MYO3A: variants seen among roughly 807,000 people sequenced by gnomAD.
MYO3A encodes the protein myosin-IIIa.
Under a neutral mutation model 192.7 loss-of-function variants are expected in MYO3A, and 180 were observed. That is an observed-to-expected ratio of 0.93 (90% CI 0.83 to 1.06). The LOEUF is 1.06. Among genes scored for constraint, MYO3A ranks in the 50% least tolerant of loss-of-function variants. MYO3A has a pLI of 0.00. For missense variants in MYO3A, 1,896 were observed against 1,905.0 expected (o/e 1.00, Z 0.09); for synonymous variants, 628 against 645.3 (o/e 0.97, Z 0.41).
intron 10 of MYO3A, among the ~76,000 whole-genome samples, chr10:26,064,908 CAAAT>C (rs1834717281): frequency 6.6e-6 from 1 of 152,074 alleles, no homozygotes; most frequent in Non-Finnish European, 1.5e-5. Flanking sequence ...AGTGAAATAT[CAAAT>C]AAGCATTTAG....
rs755304444 is a variant in MYO3A, at chr10:26,203,006, A to AT, written c.4634dup (p.Leu1545PhefsTer11). ...ATTTGGAAGATTTCTATTATAAGGA[A>AT]TTTTTGCCCAGTCGTTCTGGACCAA... is the stretch of plus-strand genomic sequence containing the variant. On this transcript the variant is annotated frameshift_variant, in exon 34 of 35. Transcript: ENST00000642920. LOFTEE classifies it high-confidence loss of function. The AT allele has an allele frequency of 1.9e-5, 30 of 1,613,802 alleles. 1 individual carries two copies. In the African/African-American group the frequency reaches 3.6e-4, roughly 19 times the overall value.
rs751960621 is a variant in MYO3A at position 26,193,209 on chromosome 10, CT to C, written c.4444del (p.Cys1482ValfsTer9). ...VSSQQCLSGV[C>X]KGEEPKILRP... ...TTATGATCACCTTTCTTATAGGTGT[CT>C]GTAAAGGAGAGGAGCCAAAAATATT... On this transcript the variant is annotated frameshift_variant, in exon 32 of 35. Coordinates refer to ENST00000642920, the MANE Select transcript of MYO3A (RefSeq NM_017433.5). LOFTEE classifies it high-confidence loss of function. The C allele has an allele frequency of 1.2e-6, 2 of 1,608,948 alleles. No homozygotes were observed. Among genetic ancestry groups the C allele is most frequent in the Admixed American group, 3.3e-5 (2 of 59,978 alleles).
intron 10 of MYO3A, among the ~76,000 whole-genome samples, chr10:26,030,386 G>A (rs1195671451): frequency 2.6e-5 from 4 of 152,074 alleles, no homozygotes; most frequent in Non-Finnish European, 5.9e-5. Context: ...GAAGAGGTGG[G>A]AGTTGAACTT....
chr10:25,937,823 A>G (rs1670146379), intron 2 of MYO3A, among the ~76,000 whole-genome samples: 1 of 152,242 alleles, frequency 6.6e-6, no homozygotes, highest in Non-Finnish European at 1.5e-5. Flanking sequence ...GAAGGGAATA[A>G]AACATTGGTT....
chr10:25,963,983 A>G (rs150571582), intron 4 of MYO3A, among the ~76,000 whole-genome samples: 7 of 152,296 alleles, frequency 4.6e-5, no homozygotes, highest in African/African-American at 1.2e-4. Flanking sequence ...TGAGGTGACC[A>G]GTGATGTCTT....
intron 10 of MYO3A, among the ~76,000 whole-genome samples, chr10:26,033,062 C>A (rs944280197): frequency 1.3e-5 from 2 of 151,912 alleles, no homozygotes; most frequent in African/African-American, 4.8e-5. Flanking sequence ...TCTTTGTTCC[C>A]TTATTTTATT....
At chr10:26,199,462 A>AG (rs1322779002) in intron 32 of MYO3A, among the ~76,000 whole-genome samples, 1 of 152,028 alleles carries the variant, frequency 6.6e-6, no homozygotes, top group African/African-American at 2.4e-5. Context: ...CTAAGGTGGG[A>AG]GGATCACTAA....
intron 4 of MYO3A, among the ~76,000 whole-genome samples, chr10:25,956,335 G>GT (rs542587893): frequency 0.076 from 10,790 of 141,900 alleles, 515 homozygotes; most frequent in African/African-American, 0.13. Flanking sequence ...TTCTATTATG[G>GT]TTTTTTTTTT....
At chr10:25,949,394 T>A (rs1241735152) in intron 2 of MYO3A, among the ~76,000 whole-genome samples, 2 of 152,136 alleles carry the variant, frequency 1.3e-5, no homozygotes, top group African/African-American at 4.8e-5. Flanking sequence ...GGTTGACAAC[T>A]CCTATTTCAG....
chr10:26,176,172 T>G (rs1842320009), intron 30 of MYO3A, among the ~76,000 whole-genome samples: 1 of 151,988 alleles, frequency 6.6e-6, no homozygotes, highest in Admixed American at 6.6e-5. Flanking sequence ...CAGGCACCTG[T>G]AGTCCCAGCT....
At chr10:25,955,634 G>A (rs1837490702) in intron 4 of MYO3A, among the ~76,000 whole-genome samples, 1 of 152,138 alleles carries the variant, frequency 6.6e-6, no homozygotes, top group African/African-American at 2.4e-5. Context: ...GCACTAAGGT[G>A]ACTGTCAGTC....
chr10:26,174,254 A>G lies in MYO3A; in HGVS notation c.3990A>G (p.Thr1330=), dbSNP rs1842200376. The G allele has an allele frequency of 1.9e-6, 3 of 1,614,048 alleles. No individual in the cohort carries two copies. The highest frequency in any genetic ancestry group is 2.5e-6 in the Non-Finnish European group (3 of 1,179,948). ...GCAGAGGCCGTCTGAGGCATGAGAC[A>G]GTCAAAGAGAGGCAAGTTGAACCAG... is the stretch of plus-strand genomic sequence containing the variant. ...EEGRGRLRHE[T]VKERQVEPVT... is the part of the protein sequence containing the mutation. Residue 1330 remains threonine (T), a synonymous_variant, in exon 30 of 35, where the codon ACA becomes ACG. Transcript: ENST00000642920.
intron 14 of MYO3A, among the ~76,000 whole-genome samples, chr10:26,082,245 T>C (rs1836004289): frequency 1.3e-5 from 2 of 152,216 alleles, no homozygotes; most frequent in Non-Finnish European, 2.9e-5. Flanking sequence ...TTTATTTGTG[T>C]CTTCCTCAAC....
intron 6 of MYO3A, among the ~76,000 whole-genome samples, chr10:26,000,928 G>T (rs1283920579): frequency 6.6e-6 from 1 of 152,162 alleles, no homozygotes; most frequent in East Asian, 1.9e-4. Context: ...TGGCAGGAGG[G>T]CAAAGGCAAA....
chr10:26,050,702 GAGAAGTCACATTTACAGCGTAA>G (rs1289412608), intron 10 of MYO3A, among the ~76,000 whole-genome samples: 2 of 152,166 alleles, frequency 1.3e-5, no homozygotes, highest in Non-Finnish European at 2.9e-5. Context: ...ACAGAGCAGA[GAGAAGTCACATTTACAGCGTAA>G]ACACGCAAAA....
intron 4 of MYO3A, among the ~76,000 whole-genome samples, chr10:25,965,214 C>T (rs1215543074): frequency 6.6e-6 from 1 of 152,192 alleles, no homozygotes; most frequent in Admixed American, 6.5e-5. Context: ...TCTCTACCTC[C>T]TCTTTAAGGC....
chr10:26,002,149 G>A (rs750263902), intron 6 of MYO3A, among the ~76,000 whole-genome samples: 18 of 152,134 alleles, frequency 1.2e-4, no homozygotes, highest in African/African-American at 1.4e-4. Flanking sequence ...TAGTAAAAAC[G>A]AAGAAATTGC....
chr10:26,020,915 G>T (rs1166200808), intron 7 of MYO3A, among the ~76,000 whole-genome samples: 1 of 152,124 alleles, frequency 6.6e-6, no homozygotes, highest in Admixed American at 6.6e-5. Flanking sequence ...CCCCAGATAG[G>T]CTGTTGGTAA....
intron 14 of MYO3A, among the ~76,000 whole-genome samples, chr10:26,075,659 T>TATATATGATATATATATGTCTCTC (rs1564523782): frequency 1.3e-4 from 14 of 107,904 alleles, no homozygotes; most frequent in Admixed American, 1.1e-4. Flanking sequence ...ATGTCTCTCA[T>TATATATGATATATATATGTCTCTC]ATATATATGA....
Sources: gnomAD v4.1 joint callset for allele counts (sites outside exome capture counted in the v4.1 genomes callset) on GRCh38, gnomAD v4.1.1 for gene constraint, MANE v1.5 for transcripts, NCBI Gene and HGNC (gene_info 2026-07-23, HGNC 2026-07-21) for gene names.